Variants in CASR observed in about 807,000 individuals in gnomAD.
CASR encodes extracellular calcium-sensing receptor.
A neutral mutation model predicts 69.1 loss-of-function variants in CASR; 23 were observed. That is an observed-to-expected ratio of 0.33 (90% CI 0.24 to 0.47). The LOEUF (loss-of-function observed/expected upper bound fraction) is 0.47, where lower values mean the gene tolerates loss of function less well. CASR is among the 20% of genes least tolerant of loss of function. The pLI is 1.00. For missense variants in CASR, 924 were observed against 1,356.1 expected (o/e 0.68, Z 5.00); for synonymous variants, 541 against 544.7 (o/e 0.99, Z 0.10).
intron 1 of CASR, among the ~76,000 whole-genome samples, chr3:122,226,693 G>C (rs1035618956): frequency 2.6e-5 from 4 of 152,032 alleles, no homozygotes; most frequent in Non-Finnish European, 4.4e-5. Context: ...TACAAATCCT[G>C]AGCTAGACAC....
chr3:122,223,690 A>G (rs1014363744), intron 1 of CASR, among the ~76,000 whole-genome samples: 3 of 152,310 alleles, frequency 2.0e-5, no homozygotes, highest in East Asian at 1.9e-4. Context: ...AACTCATTCT[A>G]TGAACCCAGC....
intron 1 of CASR, among the ~76,000 whole-genome samples, chr3:122,220,009 G>A (rs1175139595): frequency 1.3e-5 from 2 of 152,152 alleles, no homozygotes; most frequent in Non-Finnish European, 2.9e-5. Context: ...CTGCTGTGTG[G>A]GTATGCCTGC....
chr3:122,222,984 A>T (rs562392369), intron 1 of CASR, among the ~76,000 whole-genome samples: 1 of 152,328 alleles, frequency 6.6e-6, no homozygotes, highest in East Asian at 1.9e-4. Context: ...GTAAACAATG[A>T]AATTAAGGCA....
chr3:122,195,450 GT>G (rs1429552138), intron 1 of CASR, among the ~76,000 whole-genome samples: 3 of 152,130 alleles, frequency 2.0e-5, no homozygotes, highest in African/African-American at 7.2e-5. Context: ...GTTCTTGATG[GT>G]TTCCTTTGGT....
intron 1 of CASR, among the ~76,000 whole-genome samples, chr3:122,189,544 G>A (rs1381896486): frequency 6.6e-6 from 1 of 152,170 alleles, no homozygotes; most frequent in African/African-American, 2.4e-5. Flanking sequence ...CACCCTCAGT[G>A]AATGCTTATC....
At chr3:122,219,282 G>A (rs2074148164) in intron 1 of CASR, among the ~76,000 whole-genome samples, 1 of 152,216 alleles carries the variant, frequency 6.6e-6, no homozygotes, top group Admixed American at 6.5e-5. Context: ...CACTGGGACT[G>A]TGATGGTGGA....
At chr3:122,226,785 T>G (rs1320522996) in intron 1 of CASR, among the ~76,000 whole-genome samples, 1 of 150,976 alleles carries the variant, frequency 6.6e-6, no homozygotes, top group East Asian at 2.0e-4. Context: ...TAGCTAGACA[T>G]AAAGATTCTC....
At position 122,201,072 on chromosome 3, in the gene CASR, A is replaced by G. The variant is rs1433820001; in HGVS notation, c.-243+17260A>G. On this transcript the variant is annotated intron_variant, in intron 1 of 6. Transcript: ENST00000639785. ...GAGGGGGATTTGGCAGGGTCATAGGACAATAGTGGAGGGAAGGTCAGCAGA... is the reference window on the plus strand; with the variant it reads ...GAGGGGGATTTGGCAGGGTCATAGGGCAATAGTGGAGGGAAGGTCAGCAGA... 7.1e-5 allele frequency among the ~76,000 whole-genome samples: 10 copies of G among 139,970 alleles called. No homozygotes were observed. The Admixed American group carries it at 7.2e-4, about 10-fold the overall frequency. 91.8% of individuals were successfully genotyped at this position (139,970 alleles called of 152,430 possible). A position where few individuals can be genotyped will look rare whatever the true frequency, so the allele number is the denominator to read the frequency against.
intron 1 of CASR, among the ~76,000 whole-genome samples, chr3:122,207,039 AT>A (rs60920003): frequency 2.0e-5 from 3 of 151,650 alleles, no homozygotes; most frequent in South Asian, 2.1e-4. Flanking sequence ...TTGTCGACCC[AT>A]TTTTTTAAGT....
chr3:122,230,732 C>T (rs1243843047), intron 1 of CASR, among the ~76,000 whole-genome samples: 1 of 152,190 alleles, frequency 6.6e-6, no homozygotes, highest in Admixed American at 6.5e-5. Flanking sequence ...CGTGATACCA[C>T]TTGGTCATCT....
chr3:122,221,771 G>T (rs1446262886), intron 1 of CASR, among the ~76,000 whole-genome samples: 1 of 152,184 alleles, frequency 6.6e-6, no homozygotes, highest in African/African-American at 2.4e-5. Context: ...TGGACAAGTT[G>T]CTTCACCTCT....
intron 1 of CASR, among the ~76,000 whole-genome samples, chr3:122,196,050 T>C (rs149122024): frequency 2.1e-4 from 32 of 152,296 alleles, no homozygotes; most frequent in African/African-American, 7.7e-4. Context: ...ATATTCATAA[T>C]ATGAAAAATT....
chr3:122,202,219 C>A (rs903062223), intron 1 of CASR, among the ~76,000 whole-genome samples: 2 of 152,256 alleles, frequency 1.3e-5, no homozygotes, highest in Non-Finnish European at 2.9e-5. Flanking sequence ...GAGCTGGAGA[C>A]CAGCCCGGCC....
At chr3:122,277,108 G>A (rs966079076) in intron 5 of CASR, among the ~76,000 whole-genome samples, 6 of 149,098 alleles carry the variant, frequency 4.0e-5, no homozygotes, top group Non-Finnish European at 7.4e-5. Context: ...GAGTGCAGTG[G>A]CACAATCTCG....
chr3:122,205,110 T>C (rs2073993722), intron 1 of CASR, among the ~76,000 whole-genome samples: 1 of 152,040 alleles, frequency 6.6e-6, no homozygotes, highest in Admixed American at 6.6e-5. Flanking sequence ...TTTTCCTTTT[T>C]GTTATTTGTG....
intron 1 of CASR, among the ~76,000 whole-genome samples, chr3:122,233,430 C>T (rs2074298602): frequency 6.6e-6 from 1 of 152,226 alleles, no homozygotes; most frequent in African/African-American, 2.4e-5. Flanking sequence ...CATCAGTCCC[C>T]TTCCCTGCTC....
At position 122,284,204 on chromosome 3, in the gene CASR, C is replaced by A. The variant is rs1559968879; in HGVS notation, c.2250C>A (p.Ser750Arg). Residue 750 changes from serine to arginine, a missense_variant, in exon 7 of 7, where the codon AGC becomes AGA. Transcript: ENST00000639785. ...VIWLYTAPPSSYRNQELEDEI... is the reference protein window; with the variant it reads ...VIWLYTAPPSRYRNQELEDEI... Reference sequence around the variant, plus strand: ...GGCTCTACACCGCGCCCCCGTCAAGCTACCGCAACCAGGAGCTGGAGGATG... The same window carrying A: ...GGCTCTACACCGCGCCCCCGTCAAGATACCGCAACCAGGAGCTGGAGGATG... 1.9e-6 allele frequency: 3 copies of A among 1,614,036 alleles called. No individual in the cohort carries two copies. The highest frequency in any genetic ancestry group is 2.5e-6 in the Non-Finnish European group (3 of 1,180,028).
intron 1 of CASR, among the ~76,000 whole-genome samples, chr3:122,252,368 AAGGAAG>A (rs2074495756): frequency 2.7e-5 from 1 of 37,686 alleles, no homozygotes; most frequent in African/African-American, 1.1e-4. Flanking sequence ...AGAAAGAAGG[AAGGAAG>A]GAAGGAAGGA....
chr3:122,283,179 C>T (rs1338584426), intron 6 of CASR, among the ~76,000 whole-genome samples: 2 of 152,228 alleles, frequency 1.3e-5, no homozygotes, highest in African/African-American at 4.8e-5. Context: ...AATCACTCTC[C>T]ATGTGAGATG....
Sources: allele counts gnomAD v4.1 joint callset (sites outside exome capture counted in the v4.1 genomes callset), GRCh38; gene constraint gnomAD v4.1.1; transcripts MANE v1.5; gene names NCBI Gene and HGNC (gene_info 2026-07-23, HGNC 2026-07-21).